The following WWOX variants were observed in gnomAD, a reference collection of about 807,000 sequenced individuals.
WWOX encodes the protein WW domain-containing oxidoreductase.
WWOX carries 69 observed loss-of-function variants against 46.2 expected under a neutral mutation model. That is an observed-to-expected ratio of 1.49 (90% CI 1.23 to 1.82). WWOX has a LOEUF of 1.82. Ranked by LOEUF, WWOX falls within the 40% of genes most tolerant of loss-of-function variation. The probability of loss-of-function intolerance (pLI) is 0.00; values close to 1 mark genes in which losing one functional copy is unlikely to be tolerated. For synonymous variants in WWOX, 359 were observed against 202.6 expected (o/e 1.77, Z -6.56); for missense variants, 919 against 542.6 (o/e 1.69, Z -6.89).
At chr16:78,735,323 T>TATCA (rs2049062206) in intron 8 of WWOX, among the ~76,000 whole-genome samples, 1 of 148,212 alleles carries the variant, frequency 6.7e-6, no homozygotes, top group African/African-American at 2.5e-5. Context: ...TTTATCTATC[T>TATCA]ATCAATCCAT....
intron 8 of WWOX, among the ~76,000 whole-genome samples, chr16:78,794,234 G>A (rs552462584): frequency 5.3e-5 from 8 of 152,248 alleles, no homozygotes; most frequent in South Asian, 4.2e-4. Context: ...ATGAGGAGGC[G>A]GGACTCTGGC....
At chr16:78,956,756 G>A (rs1272210418) in intron 8 of WWOX, among the ~76,000 whole-genome samples, 2 of 152,086 alleles carry the variant, frequency 1.3e-5, no homozygotes, top group Non-Finnish European at 2.9e-5. Flanking sequence ...AAGAAATTTG[G>A]GATCTGCTGA....
chr16:78,750,822 T>A (rs2049459320), intron 8 of WWOX, among the ~76,000 whole-genome samples: 1 of 152,192 alleles, frequency 6.6e-6, no homozygotes, highest in South Asian at 2.1e-4. Context: ...AAGAACATGA[T>A]TTTCTTCTTT....
intron 5 of WWOX, among the ~76,000 whole-genome samples, chr16:78,339,110 T>C (rs9938303): frequency 0.05 from 6,009 of 120,316 alleles, 1,574 homozygotes; most frequent in African/African-American, 0.13. Flanking sequence ...TTTTTATTTC[T>C]GCATCATATC....
chr16:78,610,146 T>C (rs977105920), intron 8 of WWOX, among the ~76,000 whole-genome samples: 1 of 152,190 alleles, frequency 6.6e-6, no homozygotes, highest in Admixed American at 6.5e-5. Context: ...CTTGGTGCCT[T>C]TGAAGGGTTT....
At chr16:78,829,025 C>T (rs900301455) in intron 8 of WWOX, among the ~76,000 whole-genome samples, 1 of 152,096 alleles carries the variant, frequency 6.6e-6, no homozygotes, top group Non-Finnish European at 1.5e-5. Context: ...CTTGCCATTC[C>T]ACCCCATCAT....
rs781385527 is a variant in WWOX, at chr16:78,342,682, G to A, written c.517-44178G>A. Reference sequence around the variant, plus strand: ...TATGGCATCAGAATCTGATTCCCAGGCATGCTTTCCACCATATGCATAGAC... The same window carrying A: ...TATGGCATCAGAATCTGATTCCCAGACATGCTTTCCACCATATGCATAGAC... On this transcript the variant is annotated intron_variant, in intron 5 of 8. Transcript: ENST00000566780. 3.3e-5 allele frequency among the ~76,000 whole-genome samples: 4 copies of A among 120,206 alleles called. 1 individual carries two copies. Among genetic ancestry groups the A allele is most frequent in the Non-Finnish European group, 6.0e-5 (3 of 50,384 alleles). 78.9% of individuals were successfully genotyped at this position (120,206 alleles called of 152,430 possible).
chr16:78,835,863 T>C (rs891169010), intron 8 of WWOX, among the ~76,000 whole-genome samples: 1 of 152,186 alleles, frequency 6.6e-6, no homozygotes, highest in Non-Finnish European at 1.5e-5. Context: ...ATTCAACATA[T>C]TTATTTTTTT....
At chr16:78,422,834 TATATACATATACACACACAC>T (rs1597212175) in intron 6 of WWOX, among the ~76,000 whole-genome samples, 1 of 109,808 alleles carries the variant, frequency 9.1e-6, no homozygotes, top group Admixed American at 1.1e-4. Context: ...CACATATATA[TATATACATATACACACACAC>T]ACACACACAC....
At chr16:78,227,201 A>G (rs1255623014) in intron 5 of WWOX, among the ~76,000 whole-genome samples, 1 of 152,188 alleles carries the variant, frequency 6.6e-6, no homozygotes, top group African/African-American at 2.4e-5. Flanking sequence ...AGGTAGACAA[A>G]CACCCTAAGT....
At chr16:78,807,973 G>T (rs1442524665) in intron 8 of WWOX, among the ~76,000 whole-genome samples, 2 of 152,158 alleles carry the variant, frequency 1.3e-5, no homozygotes, top group African/African-American at 4.8e-5. Flanking sequence ...TTTGGAGACT[G>T]GTTCTCCTTT....
intron 8 of WWOX, among the ~76,000 whole-genome samples, chr16:78,806,140 C>G (rs1052161325): frequency 6.6e-6 from 1 of 152,112 alleles, no homozygotes; most frequent in Non-Finnish European, 1.5e-5. Flanking sequence ...TCTTTTCTTT[C>G]AAATGTTTCA....
At chr16:79,140,204 T>G (rs1451811502) in intron 8 of WWOX, among the ~76,000 whole-genome samples, 1 of 152,226 alleles carries the variant, frequency 6.6e-6, no homozygotes, top group Non-Finnish European at 1.5e-5. Flanking sequence ...GTTAACATTC[T>G]AACTCGTGGC....
intron 8 of WWOX, among the ~76,000 whole-genome samples, chr16:78,969,707 G>T (rs539896066): frequency 6.6e-6 from 1 of 152,104 alleles, no homozygotes; most frequent in Non-Finnish European, 1.5e-5. Flanking sequence ...AGGAAAATTC[G>T]CATGTTGAAA....
At chr16:78,598,185 T>C (rs1392728610) in intron 8 of WWOX, among the ~76,000 whole-genome samples, 1 of 152,212 alleles carries the variant, frequency 6.6e-6, no homozygotes, top group Admixed American at 6.5e-5. Context: ...TCAAACATCA[T>C]ATTCTCAAGA....
intron 8 of WWOX, among the ~76,000 whole-genome samples, chr16:78,932,753 G>T (rs899612957): frequency 8.5e-5 from 13 of 152,176 alleles, no homozygotes; most frequent in Non-Finnish European, 1.6e-4. Flanking sequence ...GGAAGTGGTA[G>T]GGAGGGACCT....
chr16:78,389,360 G>C (rs148912425), intron 6 of WWOX, among the ~76,000 whole-genome samples: 2 of 152,334 alleles, frequency 1.3e-5, no homozygotes, highest in African/African-American at 4.8e-5. Context: ...GCTCTGAGAA[G>C]AGAGTGGTGG....
intron 8 of WWOX, among the ~76,000 whole-genome samples, chr16:78,924,855 T>A (rs1211242559): frequency 1.3e-5 from 2 of 152,198 alleles, no homozygotes; most frequent in East Asian, 1.9e-4. Context: ...ATATATCCTT[T>A]ATTAGGCTCT....
At chr16:78,302,180 C>T (rs1241777167) in intron 5 of WWOX, among the ~76,000 whole-genome samples, 1 of 152,012 alleles carries the variant, frequency 6.6e-6, no homozygotes, top group Non-Finnish European at 1.5e-5. Flanking sequence ...AGGCTGGTCT[C>T]GAACTCCTGA....
Sources: allele counts gnomAD v4.1 joint callset (sites outside exome capture counted in the v4.1 genomes callset), GRCh38; gene constraint gnomAD v4.1.1; transcripts MANE v1.5; gene names NCBI Gene and HGNC (gene_info 2026-07-23, HGNC 2026-07-21).